The following SLC1A6 variants were observed in gnomAD, a reference collection of about 807,000 sequenced individuals.
SLC1A6 encodes the protein excitatory amino acid transporter 4.
SLC1A6 carries 15 observed loss-of-function variants against 42.1 expected under a neutral mutation model. The observed-to-expected ratio is 0.36, with a 90% CI of 0.24 to 0.55. The LOEUF is 0.55. SLC1A6 is among the 20% of genes least tolerant of loss of function. The probability of loss-of-function intolerance (pLI) is 0.88; values close to 1 mark genes in which losing one functional copy is unlikely to be tolerated. For missense variants in SLC1A6, 542 were observed against 772.5 expected (o/e 0.70, Z 3.54); for synonymous variants, 317 against 319.7 (o/e 0.99, Z 0.09).
chr19:14,956,096 G>A (rs1489877392), intron 7 of SLC1A6, among the ~76,000 whole-genome samples: 1 of 151,982 alleles, frequency 6.6e-6, no homozygotes, highest in African/African-American at 2.4e-5. Context: ...GAGGATGAAG[G>A]GGAAGAAGAA....
intron 1 of SLC1A6, among the ~76,000 whole-genome samples, chr19:14,978,588 C>T (rs141643963): frequency 1.3e-5 from 2 of 151,836 alleles, no homozygotes; most frequent in African/African-American, 2.4e-5. Context: ...ACACACACTT[C>T]CCACATTCAT....
chr19:14,978,313 G>C (rs992946333), intron 1 of SLC1A6: 1 of 152,164 alleles, frequency 6.6e-6, no homozygotes, highest in Non-Finnish European at 1.5e-5. Context: ...AACTGAAAAT[G>C]CTTTCTGTAC....
chr19:14,954,068 C>T, intron 8 of SLC1A6, 67 bp downstream of exon 8: 2 of 1,032,746 alleles, frequency 1.9e-6, no homozygotes, highest in Non-Finnish European at 2.9e-6. Context: ...CCCTCCCCAA[C>T]CCTCCCAGCC....
intron 5 of SLC1A6, 39 bp from the exon 6 acceptor site, chr19:14,962,384 G>A (rs74384196): frequency 0.018 from 26,952 of 1,486,016 alleles, 829 homozygotes; most frequent in African/African-American, 0.1. Context: ...TCAATTCAGC[G>A]GATGCATTAG....
chr19:14,997,623 G>A (rs553135279), intron 1 of SLC1A6, among the ~76,000 whole-genome samples: 5 of 152,212 alleles, frequency 3.3e-5, no homozygotes, highest in South Asian at 2.1e-4. Flanking sequence ...ATGCTTCCCC[G>A]GTGCACCTAC....
chr19:14,982,543 G>A (rs1003198107), upstream of SLC1A6, among the ~76,000 whole-genome samples: 1 of 152,050 alleles, frequency 6.6e-6, no homozygotes, highest in Non-Finnish European at 1.5e-5. Context: ...AAAGTTATCT[G>A]TAACAATAAC....
chr19:14,973,246 A>G, intron 1 of SLC1A6: 1 of 276,464 alleles, frequency 3.6e-6, no homozygotes. Context: ...AGATAGTGAG[A>G]CCTCCACCCC....
intron 1 of SLC1A6, among the ~76,000 whole-genome samples, chr19:15,001,098 C>T (rs924973701): frequency 6.6e-6 from 1 of 152,220 alleles, no homozygotes; most frequent in Non-Finnish European, 1.5e-5. Context: ...TTTAGCATGA[C>T]AGAGCAGCCA....
chr19:14,954,246 A>T lies in SLC1A6; in HGVS notation c.1253T>A (p.Val418Glu). 6.2e-7 allele frequency: 1 copy of T among 1,614,110 alleles called. No individual in the cohort carries two copies. Among genetic ancestry groups the T allele is most frequent in the Non-Finnish European group, 8.5e-7 (1 of 1,180,028 alleles). ...DRRITRFVLP[V>E]GATVNMDGTA... Reference sequence around the variant, plus strand: ...GCCATCCATGTTGACCGTGGCGCCCACGGGCAGGACGAACCTGGTGATGCG... The same window carrying T: ...GCCATCCATGTTGACCGTGGCGCCCTCGGGCAGGACGAACCTGGTGATGCG... The change falls in exon 8 of 10, where the codon GTG becomes GAG. Residue 418 changes from valine to glutamate, a missense_variant. Transcript: ENST00000594383.
intron 2 of SLC1A6, 143 bp from the exon 3 acceptor site, chr19:14,972,017 G>C: frequency 5.7e-6 from 4 of 699,462 alleles, no homozygotes; most frequent in Non-Finnish European, 9.5e-6. Flanking sequence ...TGTGTGCACT[G>C]ATGTGTGCAG....
chr19:14,961,896 C>A (rs1033079590), intron 6 of SLC1A6, 106 bp downstream of exon 6: 1 of 1,486,080 alleles, frequency 6.7e-7, no homozygotes, highest in African/African-American at 1.4e-5. Flanking sequence ...TCACCCAATA[C>A]GTAAATGAAT....
In SLC1A6 at chr19:14,956,483, A is replaced by T; in HGVS notation, c.1162T>A (p.Ser388Thr). The T allele has an allele frequency of 3.2e-6, 5 of 1,572,958 alleles. No homozygotes were observed. Among genetic ancestry groups the T allele is most frequent in the Non-Finnish European group, 4.3e-6 (5 of 1,156,324 alleles). The change falls in exon 7 of 10, where the codon TCT becomes ACT. Residue 388 changes from serine to threonine, a missense_variant. This residue lies in a region of SLC1A6 where 298 missense variants were observed against 419.4 expected (regional missense o/e 0.71). Coordinates refer to ENST00000594383, the MANE Select transcript of SLC1A6 (RefSeq NM_005071.3). ...LQALITAMGT[S>T]SSSATLPITF... is the part of the protein sequence containing the mutation. ...TGGGGAGCAAGGCCATACCTGGAAG[A>T]CGTGCCCATAGCGGTGATGAGGGCT...
upstream of SLC1A6, among the ~76,000 whole-genome samples, chr19:14,980,654 C>CA (rs35361239): frequency 0.36 from 45,326 of 125,216 alleles, 8,059 homozygotes; most frequent in African/African-American, 0.41. Flanking sequence ...GAGACTCCGT[C>CA]AAAAAAAAAA....
intron 1 of SLC1A6, among the ~76,000 whole-genome samples, chr19:15,002,259 TTTG>T (rs1282184723): frequency 2.6e-5 from 4 of 151,990 alleles, no homozygotes; most frequent in African/African-American, 9.7e-5. Flanking sequence ...CCAGCTGTTT[TTTG>T]TTTTGTTTGG....
chr19:15,010,172 CAAGACTCTATGAAAAAA>C (rs1568304797), intron 1 of SLC1A6, among the ~76,000 whole-genome samples: 10,987 of 126,414 alleles, frequency 0.087, 473 homozygotes, highest in Non-Finnish European at 0.1. Context: ...GACGACAGTG[CAAGACTCTATGAAAAAA>C]AAAAAAAAGA....
intron 4 of SLC1A6, among the ~76,000 whole-genome samples, chr19:14,965,176 C>T (rs780424289): frequency 5.3e-5 from 8 of 152,012 alleles, no homozygotes; most frequent in Non-Finnish European, 1.2e-4. Flanking sequence ...CCCACCACCA[C>T]GCCTGGCTAA....
chr19:14,972,994 A>C (rs2045662573), intron 1 of SLC1A6, 77 bp from the exon 2 acceptor site: 1 of 1,164,418 alleles, frequency 8.6e-7, no homozygotes, highest in Non-Finnish European at 1.2e-6. Context: ...GAAGGCTGCG[A>C]AGGGTAATGA....
intron 1 of SLC1A6, among the ~76,000 whole-genome samples, chr19:14,995,920 AAG>A (rs1156330186): frequency 6.6e-6 from 1 of 152,168 alleles, no homozygotes; most frequent in Non-Finnish European, 1.5e-5. Flanking sequence ...ATTGATGAAG[AAG>A]AGAGAGGGAA....
At chr19:14,982,075 T>G (rs76997878), upstream of SLC1A6, among the ~76,000 whole-genome samples, 2 of 149,004 alleles carry the variant, frequency 1.3e-5, no homozygotes, top group African/African-American at 4.9e-5. Flanking sequence ...AAAAATAAAA[T>G]TTAAAAATGA....
Sources: gnomAD v4.1 joint callset for allele counts (sites outside exome capture counted in the v4.1 genomes callset) on GRCh38, gnomAD v4.1.1 for gene constraint, gnomAD v4.1.1 regional missense constraint, MANE v1.5 for transcripts, NCBI Gene and HGNC (gene_info 2026-07-23, HGNC 2026-07-21) for gene names.